Variants in STMN4 observed in about 807,000 individuals in gnomAD.
The protein encoded by STMN4 is stathmin 4, also known as stathmin-4.
STMN4 carries 12 observed loss-of-function variants against 29.1 expected under a neutral mutation model. That is an observed-to-expected ratio of 0.41 (90% CI 0.26 to 0.67). The LOEUF is 0.67. Ranked by LOEUF, STMN4 falls within the 30% of genes least tolerant of loss-of-function variation. The pLI, the probability that STMN4 is intolerant of heterozygous loss-of-function variation, is 0.30. For missense variants in STMN4, 181 were observed against 262.8 expected (o/e 0.69, Z 2.15); for synonymous variants, 114 against 105.3 (o/e 1.08, Z -0.51).
intron 2 of STMN4, 46 bp from the exon 3 acceptor site, chr8:27,242,538 C>G (rs1371172433): frequency 6.3e-7 from 1 of 1,595,410 alleles, no homozygotes; most frequent in African/African-American, 1.3e-5. Flanking sequence ...CTCCTAGCCT[C>G]AGAAGTCAGC....
intron 5 of STMN4, 149 bp downstream of exon 5, chr8:27,240,905 G>T: frequency 1.3e-6 from 1 of 775,558 alleles, no homozygotes; most frequent in African/African-American, 1.7e-5. Flanking sequence ...CCTCAATGGT[G>T]TCTCATTCTC....
Position 27,252,143 on chromosome 8 carries a change from T to TC in STMN4, c.-79+6207dup, listed in dbSNP as rs1462038219. ...TGTCCCTACAAAGGACACGAACTCA[T>TC]CATTTTTTATGGCTGCATAGTATTC... On this transcript the variant is annotated intron_variant, in intron 1 of 6. Transcript: ENST00000350889. 8.8e-5 allele frequency among the ~76,000 whole-genome samples: 13 copies of TC among 147,422 alleles called. No homozygotes were observed. In the East Asian group the frequency reaches 2.4e-3, roughly 27 times the overall value.
intron 1 of STMN4, among the ~76,000 whole-genome samples, chr8:27,249,467 C>A (rs73239459): frequency 0.063 from 9,521 of 152,244 alleles, 421 homozygotes; most frequent in Non-Finnish European, 0.092. Context: ...CGATAAACAA[C>A]TGTCCCTTCC....
intron 6 of STMN4, chr8:27,239,747 G>A: frequency 6.8e-7 from 1 of 1,465,464 alleles, no homozygotes; most frequent in Non-Finnish European, 9.1e-7. Context: ...TTGTGTAACT[G>A]TGCAGAATAT....
intron 1 of STMN4, among the ~76,000 whole-genome samples, chr8:27,256,371 T>G (rs1801942059): frequency 6.6e-6 from 1 of 152,092 alleles, no homozygotes; most frequent in Non-Finnish European, 1.5e-5. Context: ...TTACCGCAGT[T>G]AAAAATTAAA....
intron 1 of STMN4, among the ~76,000 whole-genome samples, chr8:27,258,066 A>G (rs1054337663): frequency 1.3e-5 from 2 of 152,214 alleles, no homozygotes; most frequent in African/African-American, 2.4e-5. Context: ...AAACATTTTT[A>G]TGCAGAAATA....
At chr8:27,243,837 G>A in intron 1 of STMN4, 36 bp from the exon 2 acceptor site, 1 of 1,571,006 alleles carries the variant, frequency 6.4e-7, no homozygotes. Context: ...TACCATCGAT[G>A]GATTAGACAG....
chr8:27,241,355 G>A lies in STMN4; in HGVS notation c.191-93C>T. The A allele has an allele frequency of 4.6e-6, 7 of 1,518,950 alleles. No homozygotes were observed. In the East Asian group the frequency reaches 6.8e-5, roughly 15 times the overall value. 94.1% of individuals were successfully genotyped at this position (1,518,950 alleles called of 1,614,324 possible). ...GCATGCACACGGGAGTGGGAGAACT[G>A]GGGCCCCAAGCAAGCTGGAGACTGG... On this transcript the variant is annotated intron_variant, in intron 4 of 6. Coordinates refer to ENST00000350889, the MANE Select transcript of STMN4 (RefSeq NM_030795.4).
intron 1 of STMN4, among the ~76,000 whole-genome samples, chr8:27,244,977 G>A (rs1040462095): frequency 2.6e-5 from 4 of 152,182 alleles, no homozygotes; most frequent in African/African-American, 9.7e-5. Flanking sequence ...ATCCTTGCCA[G>A]CCAAAGAGAC....
chr8:27,253,987 T>G (rs1297549298), intron 1 of STMN4, among the ~76,000 whole-genome samples: 2 of 152,156 alleles, frequency 1.3e-5, no homozygotes, highest in East Asian at 1.9e-4. Flanking sequence ...TTCACCATAT[T>G]GGCCAGGCTG....
At chr8:27,243,260 A>T (rs546146243) in intron 2 of STMN4, among the ~76,000 whole-genome samples, 1 of 151,946 alleles carries the variant, frequency 6.6e-6, no homozygotes, top group East Asian at 1.9e-4. Flanking sequence ...TTTTGTTGAG[A>T]TGAGGGTCTC....
chr8:27,237,796 C>T (rs62503731), intron 6 of STMN4, among the ~76,000 whole-genome samples: 4 of 152,164 alleles, frequency 2.6e-5, no homozygotes, highest in African/African-American at 4.8e-5. Flanking sequence ...GTCTTTCACC[C>T]CTCAAGTTGT....
chr8:27,250,878 A>ATTTTCCAGT (rs1801762029), intron 1 of STMN4, among the ~76,000 whole-genome samples: 1 of 152,248 alleles, frequency 6.6e-6, no homozygotes, highest in Non-Finnish European at 1.5e-5. Context: ...GAGAAGGAAA[A>ATTTTCCAGT]TTAAACTGGA....
intron 6 of STMN4, chr8:27,239,231 G>C: frequency 6.5e-7 from 1 of 1,535,598 alleles, no homozygotes; most frequent in South Asian, 1.2e-5. Context: ...CTCACCATGG[G>C]ACGAGGCCAC....
Position 27,258,332 on chromosome 8 carries a change from G to A in STMN4, c.-79+19C>T, listed in dbSNP as rs1044290646. 1 of 152,202 alleles carries A rather than the reference G, an allele frequency of 6.6e-6. No individual in the cohort carries two copies. The highest frequency in any genetic ancestry group is 2.4e-5 in the African/African-American group (1 of 41,418). The allele number at this position is 152,202 out of a possible 1,614,324, so 9.4% of individuals were successfully genotyped here. ...TTGCCTGAAAAGCCTCAAATTAGTT[G>A]CATTTTATTTCTACTTACGTGCAGT... On this transcript the variant is annotated intron_variant, in intron 1 of 6. Coordinates refer to ENST00000350889, the MANE Select transcript of STMN4 (RefSeq NM_030795.4).
intron 1 of STMN4, among the ~76,000 whole-genome samples, chr8:27,248,110 C>A (rs1411620440): frequency 6.6e-6 from 1 of 152,212 alleles, no homozygotes; most frequent in Non-Finnish European, 1.5e-5. Flanking sequence ...CACTGTCAAG[C>A]ACTTCTGATG....
chr8:27,241,204 G>A lies in STMN4; in HGVS notation c.249C>T (p.Asn83=). 6.2e-7 allele frequency: 1 copy of A among 1,614,228 alleles called. No individual in the cohort carries two copies. The highest frequency in any genetic ancestry group is 8.5e-7 in the Non-Finnish European group (1 of 1,180,038). Reference sequence around the variant, plus strand: ...CAAAGGATTGGCCCGAGGTGCATTTGTTCAGCTCGATGACTTCCATGTCGG... The same window carrying A: ...CAAAGGATTGGCCCGAGGTGCATTTATTCAGCTCGATGACTTCCATGTCGG... ...VISDMEVIEL[N]KCTSGQSFEV... The change falls in exon 5 of 7, where the codon AAC becomes AAT. Residue 83 remains asparagine (N), a synonymous_variant. Transcript: ENST00000350889.
chr8:27,244,959 C>T (rs1801584631), intron 1 of STMN4, among the ~76,000 whole-genome samples: 1 of 152,146 alleles, frequency 6.6e-6, no homozygotes, highest in Non-Finnish European at 1.5e-5. Context: ...AGCAGGCTCA[C>T]TGCCTACATC....
intron 1 of STMN4, among the ~76,000 whole-genome samples, chr8:27,256,816 A>AT (rs1327091582): frequency 4.6e-5 from 7 of 152,172 alleles, no homozygotes; most frequent in Non-Finnish European, 8.8e-5. Context: ...AACATAATGC[A>AT]AAAATCTCCT....
Sources: gnomAD v4.1 joint callset for allele counts (sites outside exome capture counted in the v4.1 genomes callset) on GRCh38, gnomAD v4.1.1 for gene constraint, MANE v1.5 for transcripts, NCBI Gene and HGNC (gene_info 2026-07-23, HGNC 2026-07-21) for gene names.